The following SERPINB7 variants were observed in gnomAD, a reference collection of about 807,000 sequenced individuals.
SERPINB7 encodes serpin B7.
Under a neutral mutation model 37.4 loss-of-function variants are expected in SERPINB7, and 31 were observed. That is an observed-to-expected ratio of 0.83 (90% CI 0.62 to 1.12). The LOEUF is 1.12. Among genes scored for constraint, SERPINB7 ranks in the 50% most tolerant of loss-of-function variants. The pLI is 0.00. For missense variants in SERPINB7, 521 were observed against 455.3 expected (o/e 1.14, Z -1.31); for synonymous variants, 163 against 166.1 (o/e 0.98, Z 0.14).
At chr18:63,776,862 G>A (rs1256254725) in intron 1 of SERPINB7, among the ~76,000 whole-genome samples, 1 of 151,884 alleles carries the variant, frequency 6.6e-6, no homozygotes, top group Non-Finnish European at 1.5e-5. Context: ...TGGTTTCTAA[G>A]TTCCTATCAC....
At chr18:63,756,454 T>C (rs1255524164) in intron 1 of SERPINB7, among the ~76,000 whole-genome samples, 1 of 152,198 alleles carries the variant, frequency 6.6e-6, no homozygotes, top group East Asian at 1.9e-4. Flanking sequence ...CAGACTCATG[T>C]GCAGGACTCA....
rs1196647450 is a variant in SERPINB7 at position 63,804,307 on chromosome 18, T to C, written c.815T>C (p.Val272Ala). 6.2e-7 allele frequency: 1 copy of C among 1,612,186 alleles called. No homozygotes were observed. The highest frequency in any genetic ancestry group is 8.5e-7 in the Non-Finnish European group (1 of 1,178,950). Residue 272 changes from valine to alanine, a missense_variant, in exon 8 of 8, where the codon GTT (valine) becomes GCT (alanine). By Grantham distance (64) the Val-to-Ala change is moderately conservative. Coordinates refer to ENST00000398019, the MANE Select transcript of SERPINB7 (RefSeq NM_003784.4). ...CCAAGGCGAATGACCTCTAAGTATGTTGAGGTATTTTTTCCTCAGTTCAAG... is the reference window on the plus strand; with the variant it reads ...CCAAGGCGAATGACCTCTAAGTATGCTGAGGTATTTTTTCCTCAGTTCAAG... ...TNPRRMTSKY[V>A]EVFFPQFKIE...
chr18:63,801,121 A>G, intron 7 of SERPINB7, 109 bp downstream of exon 7: 2 of 1,021,500 alleles, frequency 2.0e-6, no homozygotes, highest in Non-Finnish European at 2.9e-6. Flanking sequence ...GATACTAGAG[A>G]CTTACCTGCT....
At chr18:63,793,015 G>C (rs1030671901) in intron 3 of SERPINB7, 146 bp from the exon 4 acceptor site, 5 of 425,624 alleles carry the variant, frequency 1.2e-5, no homozygotes, top group Non-Finnish European at 2.1e-5. Flanking sequence ...GTAAGACATA[G>C]ATGTATGTGG....
chr18:63,800,925 T>C lies in SERPINB7; in HGVS notation c.657T>C (p.Ile219=), dbSNP rs918422320. ...AACGGAAGTTCAATTTGTCTGTTAT[T>C]GAGGACCCATCAATGAAGATTCTTG... ...HQERKFNLSV[I]EDPSMKILEL... The change falls in exon 7 of 8, where the codon ATT becomes ATC. Residue 219 remains isoleucine, a synonymous_variant. Transcript: ENST00000398019. The C allele has an allele frequency of 7.4e-6, 12 of 1,613,936 alleles. No individual in the cohort carries two copies. The highest frequency in any genetic ancestry group is 1.0e-5 in the Non-Finnish European group (12 of 1,179,914).
At chr18:63,760,771 T>C (rs1219620115) in intron 1 of SERPINB7, among the ~76,000 whole-genome samples, 2 of 152,204 alleles carry the variant, frequency 1.3e-5, no homozygotes, top group Non-Finnish European at 2.9e-5. Context: ...CTTGGCAGCT[T>C]CCATGTGGTG....
chr18:63,768,788 G>C (rs2049194384), intron 1 of SERPINB7, among the ~76,000 whole-genome samples: 1 of 151,958 alleles, frequency 6.6e-6, no homozygotes, highest in Non-Finnish European at 1.5e-5. Context: ...AACTCCCCAA[G>C]GTCCCTTTGC....
rs377626203 is a variant in SERPINB7 at position 63,782,459 on chromosome 18, C to A, written c.87C>A (p.Phe29Leu). 15 of 1,614,070 alleles carry A rather than the reference C, an allele frequency of 9.3e-6. 1 individual carries two copies. The South Asian group carries it at 1.1e-4, about 12-fold the overall frequency. ...MDDNQGNGNVFFSSLSLFAAL... is the reference protein window; with the variant it reads ...MDDNQGNGNVLFSSLSLFAAL... ...ACAATCAAGGAAATGGAAATGTGTT[C>A]TTTTCCTCTCTGAGCCTCTTCGCTG... The change falls in exon 2 of 8, where the codon TTC (phenylalanine) becomes TTA (leucine). Residue 29 changes from phenylalanine (F) to leucine (L), a missense_variant. Transcript: ENST00000398019.
intron 1 of SERPINB7, among the ~76,000 whole-genome samples, chr18:63,769,050 T>A (rs181325017): frequency 7.0e-4 from 107 of 152,306 alleles, no homozygotes; most frequent in African/African-American, 2.1e-3. Context: ...TGAATGAAGG[T>A]ACTGTAACAC....
At chr18:63,762,852 C>T (rs1336675257) in intron 1 of SERPINB7, among the ~76,000 whole-genome samples, 1 of 152,090 alleles carries the variant, frequency 6.6e-6, no homozygotes. Flanking sequence ...ACTATTTGAT[C>T]ATAAAACAGG....
intron 3 of SERPINB7, among the ~76,000 whole-genome samples, chr18:63,792,710 C>A (rs1449682887): frequency 1.3e-5 from 2 of 152,148 alleles, no homozygotes; most frequent in Non-Finnish European, 2.9e-5. Context: ...CCTTTCAAAG[C>A]AAAGAAACAT....
chr18:63,770,197 T>C (rs547405805), intron 1 of SERPINB7, among the ~76,000 whole-genome samples: 1 of 151,350 alleles, frequency 6.6e-6, no homozygotes, highest in South Asian at 2.1e-4. Context: ...CAAAGGATTC[T>C]TCTTCTTTCC....
chr18:63,783,746 C>T (rs2049337009), intron 2 of SERPINB7, among the ~76,000 whole-genome samples: 1 of 152,176 alleles, frequency 6.6e-6, no homozygotes, highest in Non-Finnish European at 1.5e-5. Flanking sequence ...GATGTCGTCC[C>T]TTTCTGCCCC....
At chr18:63,782,677 C>A in intron 2 of SERPINB7, 137 bp downstream of exon 2, 1 of 783,310 alleles carries the variant, frequency 1.3e-6, no homozygotes, top group Non-Finnish European at 2.0e-6. Flanking sequence ...TCCACGAGGC[C>A]CTCTTTGGGT....
intron 7 of SERPINB7, among the ~76,000 whole-genome samples, chr18:63,801,961 T>C (rs939485614): frequency 6.6e-6 from 1 of 152,194 alleles, no homozygotes; most frequent in Non-Finnish European, 1.5e-5. Context: ...TGGTCTTTCA[T>C]TAGTTTTACA....
At chr18:63,757,941 T>C (rs1314010626) in intron 1 of SERPINB7, among the ~76,000 whole-genome samples, 3 of 152,210 alleles carry the variant, frequency 2.0e-5, no homozygotes, top group African/African-American at 4.8e-5. Flanking sequence ...CAAGTACAAG[T>C]AGCTTCATCA....
intron 4 of SERPINB7, among the ~76,000 whole-genome samples, chr18:63,794,392 T>C (rs541660946): frequency 2.0e-5 from 3 of 152,244 alleles, no homozygotes; most frequent in African/African-American, 7.2e-5. Context: ...TCCTAGGCCA[T>C]GGACTACTTA....
chr18:63,757,862 T>C (rs188721757), intron 1 of SERPINB7, among the ~76,000 whole-genome samples: 1 of 152,338 alleles, frequency 6.6e-6, no homozygotes, highest in East Asian at 1.9e-4. Flanking sequence ...GTCCAGAATC[T>C]AGTTTACCTT....
intron 1 of SERPINB7, among the ~76,000 whole-genome samples, chr18:63,765,414 C>T (rs181115049): frequency 1.1e-3 from 161 of 152,200 alleles, no homozygotes; most frequent in African/African-American, 3.7e-3. Flanking sequence ...AATAACCTGT[C>T]TTTTGTTTGT....
Sources: gnomAD v4.1 joint callset for allele counts (sites outside exome capture counted in the v4.1 genomes callset) on GRCh38, gnomAD v4.1.1 for gene constraint, MANE v1.5 for transcripts, NCBI Gene and HGNC (gene_info 2026-07-23, HGNC 2026-07-21) for gene names.